Variants in CDH13 observed in about 807,000 individuals in gnomAD.
CDH13 encodes cadherin-13.
Under a neutral mutation model 63.8 loss-of-function variants are expected in CDH13, and 24 were observed. The observed-to-expected ratio is 0.38, with a 90% CI of 0.27 to 0.53. The LOEUF (loss-of-function observed/expected upper bound fraction) is 0.53. CDH13 is among the 20% of genes least tolerant of loss of function. The pLI, the probability that CDH13 is intolerant of heterozygous loss-of-function variation, is 0.85. For missense variants in CDH13, 1,049 were observed against 903.1 expected (o/e 1.16, Z -2.07); for synonymous variants, 503 against 355.3 (o/e 1.42, Z -4.67).
At chr16:83,393,280 A>G (rs1451278772) in intron 6 of CDH13, among the ~76,000 whole-genome samples, 1 of 152,140 alleles carries the variant, frequency 6.6e-6, no homozygotes, top group Non-Finnish European at 1.5e-5. Flanking sequence ...GAAAGGAAGC[A>G]TTCTCGTGGG....
chr16:83,109,748 G>T lies in CDH13; in HGVS notation c.367-15637G>T, dbSNP rs2034968975. Among the ~76,000 whole-genome samples the T allele has an allele frequency of 2.0e-5, 3 of 152,190 alleles. No homozygotes were observed. In the South Asian group the frequency reaches 6.2e-4, roughly 31 times the overall value. On this transcript the variant is annotated intron_variant, in intron 3 of 13. Transcript: ENST00000567109. ...GCAAGATGCCTCCAGCTGGTCACAA[G>T]TAGCTATTGAACATGAATATTTTAT... is the stretch of plus-strand genomic sequence containing the variant.
At chr16:83,724,871 A>G (rs563590626) in intron 10 of CDH13, among the ~76,000 whole-genome samples, 41 of 152,244 alleles carry the variant, frequency 2.7e-4, no homozygotes, top group South Asian at 6.2e-4. Flanking sequence ...GTACAACTCT[A>G]TATGGCTTCC....
intron 10 of CDH13, among the ~76,000 whole-genome samples, chr16:83,744,715 A>G (rs1015015303): frequency 3.3e-5 from 5 of 152,196 alleles, no homozygotes; most frequent in African/African-American, 1.2e-4. Context: ...CGCCCCGCAC[A>G]AGACCAAGCC....
intron 4 of CDH13, among the ~76,000 whole-genome samples, chr16:83,200,338 G>T (rs1273728981): frequency 6.6e-6 from 1 of 152,158 alleles, no homozygotes; most frequent in African/African-American, 2.4e-5. Flanking sequence ...TGGCTTTTCT[G>T]AAAGTTAAGA....
chr16:82,937,866 A>C (rs2042719114), intron 2 of CDH13, among the ~76,000 whole-genome samples: 1 of 152,212 alleles, frequency 6.6e-6, no homozygotes, highest in South Asian at 2.1e-4. Flanking sequence ...TAAACAGCTG[A>C]TTAAAGTACA....
chr16:83,422,345 A>C (rs13333983), intron 6 of CDH13, among the ~76,000 whole-genome samples: 1 of 152,072 alleles, frequency 6.6e-6, no homozygotes, highest in African/African-American at 2.4e-5. Flanking sequence ...ACTGTTTCCT[A>C]TGATGTTTAG....
intron 10 of CDH13, among the ~76,000 whole-genome samples, chr16:83,692,647 G>C (rs1598489966): frequency 6.6e-6 from 1 of 152,166 alleles, no homozygotes; most frequent in Admixed American, 6.5e-5. Context: ...CGGACTTGAA[G>C]GATGTGTTTT....
At chr16:83,425,445 A>G (rs1597989962) in intron 6 of CDH13, among the ~76,000 whole-genome samples, 1 of 152,354 alleles carries the variant, frequency 6.6e-6, no homozygotes, top group Non-Finnish European at 1.5e-5. Flanking sequence ...CCAGGGGCCA[A>G]TTAATGAATG....
intron 11 of CDH13, among the ~76,000 whole-genome samples, chr16:83,769,340 T>A (rs145020571): frequency 1.4e-4 from 21 of 152,184 alleles, no homozygotes; most frequent in Middle Eastern, 3.4e-3. Flanking sequence ...AGGGGAACGG[T>A]GGGGAAGCAA....
At chr16:82,820,409 T>C (rs2037947830) in intron 1 of CDH13, among the ~76,000 whole-genome samples, 1 of 152,140 alleles carries the variant, frequency 6.6e-6, no homozygotes, top group Admixed American at 6.5e-5. Context: ...CCCTTTGGGG[T>C]AGGAACTAAT....
intron 8 of CDH13, among the ~76,000 whole-genome samples, chr16:83,619,128 ACATT>A (rs75587049): frequency 2.6e-5 from 4 of 152,204 alleles, no homozygotes; most frequent in Non-Finnish European, 5.9e-5. Flanking sequence ...TTTCCAAAGT[ACATT>A]CATTCATTCA....
intron 2 of CDH13, among the ~76,000 whole-genome samples, chr16:82,863,206 C>G (rs963223651): frequency 1.3e-5 from 2 of 152,114 alleles, no homozygotes; most frequent in African/African-American, 4.8e-5. Context: ...TTGGAGTAAC[C>G]AAGGCCTACA....
chr16:82,671,643 T>G (rs55932287), intron 1 of CDH13, among the ~76,000 whole-genome samples: 40,167 of 152,146 alleles, frequency 0.26, 6,189 homozygotes, highest in Non-Finnish European at 0.36. Context: ...CCCAGTCTTT[T>G]GCCCAGATAG....
chr16:83,560,146 G>C (rs1043922051), intron 7 of CDH13, among the ~76,000 whole-genome samples: 3 of 152,180 alleles, frequency 2.0e-5, no homozygotes, highest in Non-Finnish European at 4.4e-5. Context: ...CCCTGGACAA[G>C]AGCAGAGCAA....
At chr16:83,570,984 C>G (rs947794279) in intron 7 of CDH13, among the ~76,000 whole-genome samples, 1 of 102,600 alleles carries the variant, frequency 9.7e-6, no homozygotes, top group Non-Finnish European at 2.2e-5. Flanking sequence ...AACCTTCTGG[C>G]GCCACCCAAG....
chr16:83,562,687 G>C (rs150047477), intron 7 of CDH13, among the ~76,000 whole-genome samples: 1 of 152,192 alleles, frequency 6.6e-6, no homozygotes, highest in East Asian at 1.9e-4. Flanking sequence ...TTTGATGTCT[G>C]TTACCCACAT....
At chr16:83,185,741 G>T (rs1473859279) in intron 4 of CDH13, among the ~76,000 whole-genome samples, 2 of 152,170 alleles carry the variant, frequency 1.3e-5, no homozygotes, top group African/African-American at 4.8e-5. Flanking sequence ...GAATAAACAG[G>T]CACTGTTGTT....
intron 3 of CDH13, among the ~76,000 whole-genome samples, chr16:83,087,465 C>T (rs947259725): frequency 1.4e-4 from 22 of 151,900 alleles, no homozygotes; most frequent in Non-Finnish European, 2.9e-5. Context: ...GTCAGGAGTT[C>T]GAGACCAGCC....
At chr16:83,256,308 C>T (rs755715576) in intron 5 of CDH13, among the ~76,000 whole-genome samples, 18 of 152,044 alleles carry the variant, frequency 1.2e-4, no homozygotes, top group Admixed American at 2.6e-4. Context: ...GCTGGGATTA[C>T]GAGCATGTAC....
Sources: allele counts gnomAD v4.1 joint callset (sites outside exome capture counted in the v4.1 genomes callset), GRCh38; gene constraint gnomAD v4.1.1; transcripts MANE v1.5; gene names NCBI Gene and HGNC (gene_info 2026-07-23, HGNC 2026-07-21).